The following SLITRK3 variants were observed in gnomAD, a reference collection of about 807,000 sequenced individuals.
The protein encoded by SLITRK3 is SLIT and NTRK like family member 3.
SLITRK3 carries 16 observed loss-of-function variants against 63.6 expected under a neutral mutation model. That is an observed-to-expected ratio of 0.25 (90% confidence interval 0.17 to 0.38). SLITRK3 has a LOEUF of 0.38. SLITRK3 is among the 10% of genes least tolerant of loss of function. The pLI, the probability that SLITRK3 is intolerant of heterozygous loss-of-function variation, is 1.00. For missense variants in SLITRK3, 1,117 were observed against 1,181.4 expected, an observed-to-expected ratio of 0.95 and a Z score of 0.80; for synonymous variants, 547 against 451.6, an observed-to-expected ratio of 1.21 and a Z score of -2.68.
rs114334493 is a variant in SLITRK3, at chr3:165,191,191, A to G, written c.-21-340T>C. 2.5e-3 allele frequency among the ~76,000 whole-genome samples: 380 copies of G among 152,360 alleles called. 3 individuals are homozygous for G. Among genetic ancestry groups the G allele is most frequent in the African/African-American group, 8.7e-3 (363 of 41,586 alleles). On this transcript the variant is annotated intron_variant, in intron 1 of 1. Transcript: ENST00000475390. ...CTTTTAGGCATAGGCAGATTCAGTA[A>G]TAATGGCAATAATGTGGCCATCACA...
chr3:165,190,548 T>C lies in SLITRK3; in HGVS notation c.283A>G (p.Asn95Asp). Residue 95 changes from asparagine (N) to aspartate (D), a missense_variant, in exon 2 of 2, where the codon AAC (asparagine) becomes GAC (aspartate). Coordinates refer to ENST00000475390, the MANE Select transcript of SLITRK3 (RefSeq NM_001318810.2). Reference sequence around the variant, plus strand: ...GCATTATTCAAATGAAGAAAACTGTTGGTATATAATTTCCTCATAGAATTC... The same window carrying C: ...GCATTATTCAAATGAAGAAAACTGTCGGTATATAATTTCCTCATAGAATTC... ...QRNSMRKLYTNSFLHLNNAVS... is the reference protein window; with the variant it reads ...QRNSMRKLYTDSFLHLNNAVS... 6.2e-7 allele frequency: 1 copy of C among 1,613,916 alleles called. No individual in the cohort carries two copies. The highest frequency in any genetic ancestry group is 8.5e-7 in the Non-Finnish European group (1 of 1,179,976).
At position 165,188,752 on chromosome 3, in the gene SLITRK3, C is replaced by T. The variant is rs1482697418; in HGVS notation, c.2079G>A (p.Gln693=). The change falls in exon 2 of 2, where the codon CAG becomes CAA. Residue 693 remains glutamine (Q), a synonymous_variant. Transcript: ENST00000475390. The part of the protein sequence containing the change: ...RKKLPFRSKR[Q]EGVDLTGIQM... ...GGATGCCAGTAAGGTCCACACCTTC[C>T]TGCCGCTTGCTTCTGAAGGGCAGCT... 6.2e-7 allele frequency: 1 copy of T among 1,614,174 alleles called. No homozygotes were observed. Among genetic ancestry groups the T allele is most frequent in the South Asian group, 1.1e-5 (1 of 91,080 alleles).
chr3:165,196,897 G>GTCTGTCTC (rs1718450127), upstream of SLITRK3: 1 of 96,474 alleles, frequency 1.0e-5, no homozygotes, highest in South Asian at 4.5e-4. Context: ...CTCTCTCTCT[G>GTCTGTCTC]TCTCTCTCTC....
intron 1 of SLITRK3, among the ~76,000 whole-genome samples, chr3:165,194,904 G>T (rs542453767): frequency 3.3e-5 from 5 of 152,244 alleles, no homozygotes; most frequent in South Asian, 2.1e-4. Flanking sequence ...GGCTCCAAAA[G>T]TTAGGGAATA....
At chr3:165,195,024 C>T (rs1718369587) in intron 1 of SLITRK3, among the ~76,000 whole-genome samples, 1 of 152,104 alleles carries the variant, frequency 6.6e-6, no homozygotes, top group South Asian at 2.1e-4. Flanking sequence ...GCCCCCTTCC[C>T]ACTTCCTCCT....
In SLITRK3 at chr3:165,189,568, C is replaced by T; in HGVS notation, c.1263G>A (p.Gln421=). The T allele has an allele frequency of 6.2e-7, 1 of 1,614,162 alleles. No homozygotes were observed. The highest frequency in any genetic ancestry group is 1.1e-5 in the South Asian group (1 of 91,080). ...TCCAAAAATCAGAACGGTATATTTT[C>T]TGAATCAGATTGCTACTCAGATACA... ...KKLYLSSNLI[Q]KIYRSDFWNF... Residue 421 remains glutamine (Q), a synonymous_variant, in exon 2 of 2, where the codon CAG becomes CAA. Transcript: ENST00000475390. This position sits in a 1 kb window ranked among gnomAD's most constrained non-coding sequence, Gnocchi z 4.0.
In SLITRK3 at chr3:165,187,698, C is replaced by T. The variant is rs1718004044; in HGVS notation, c.*199G>A. 1 of 493,772 alleles carries T rather than the reference C, an allele frequency of 2.0e-6. No individual in the cohort carries two copies. Among genetic ancestry groups the T allele is most frequent in the East Asian group, 3.0e-5 (1 of 33,534 alleles). The allele number at this position is 493,772 out of a possible 1,614,324, so 30.6% of individuals were successfully genotyped here. ...ATTGATTAATGATCTGAGTATGGCC[C>T]TTCCTCCAAATCGCATCTGAGAGGG... is the stretch of plus-strand genomic sequence containing the variant. On this transcript the variant is annotated 3_prime_UTR_variant, in exon 2 of 2. Coordinates refer to ENST00000475390, the MANE Select transcript of SLITRK3 (RefSeq NM_001318810.2).
chr3:165,195,233 G>C (rs1249533574), intron 1 of SLITRK3, among the ~76,000 whole-genome samples: 1 of 152,162 alleles, frequency 6.6e-6, no homozygotes, highest in Non-Finnish European at 1.5e-5. Flanking sequence ...GTTTAGAAAC[G>C]GAAAATTATT....
chr3:165,193,219 T>A (rs1375869915), intron 1 of SLITRK3, among the ~76,000 whole-genome samples: 2 of 111,000 alleles, frequency 1.8e-5, no homozygotes, highest in East Asian at 2.6e-4. Flanking sequence ...GACCAACCTA[T>A]GGGAAACATT....
chr3:165,190,767 T>A lies in SLITRK3; in HGVS notation c.64A>T (p.Thr22Ser). ...GGGGTAGTCCATCCTAGAGCAATTG[T>A]GCTTAGAAGAATTATCCACAACATC... ...GRMLWIILLSTIALGWTTPIP... is the reference protein window; with the variant it reads ...GRMLWIILLSSIALGWTTPIP... Residue 22 changes from threonine to serine, a missense_variant, in exon 2 of 2, where the codon ACA becomes TCA. Coordinates refer to ENST00000475390, the MANE Select transcript of SLITRK3 (RefSeq NM_001318810.2). The A allele has an allele frequency of 6.2e-7, 1 of 1,612,938 alleles. No individual in the cohort carries two copies. The highest frequency in any genetic ancestry group is 8.5e-7 in the Non-Finnish European group (1 of 1,179,542).
At position 165,196,021 on chromosome 3, in the gene SLITRK3, C is replaced by T. The variant is rs968717101; in HGVS notation, c.-463G>A. On this transcript the variant is annotated 5_prime_UTR_variant, in exon 1 of 2. Coordinates refer to ENST00000475390, the MANE Select transcript of SLITRK3 (RefSeq NM_001318810.2). ...TGGATTTCTCTCTTTCTCTCTTCCT[C>T]AAAGGTTGTCACTCACAGCGCAATC... The T allele has an allele frequency of 6.5e-6, 1 of 152,722 alleles. No individual in the cohort carries two copies. Among genetic ancestry groups the T allele is most frequent in the African/African-American group, 2.4e-5 (1 of 41,456 alleles). The allele number at this position is 152,722 out of a possible 1,614,324, so 9.5% of individuals were successfully genotyped here.
At position 165,188,995 on chromosome 3, in the gene SLITRK3, T is replaced by C; in HGVS notation, c.1836A>G (p.Pro612=). 1 of 1,614,182 alleles carries C rather than the reference T, an allele frequency of 6.2e-7. No individual in the cohort carries two copies. The highest frequency in any genetic ancestry group is 8.5e-7 in the Non-Finnish European group (1 of 1,180,030). ...VRTIELEVLC[P]EMLHVAPAGE... The stretch of plus-strand genomic sequence containing the variant: ...CAGCTGGTGCAACGTGCAGCATCTC[T>C]GGGCAAAGAACTTCCAGCTCAATAG... Residue 612 remains proline, a synonymous_variant, in exon 2 of 2, where the codon CCA becomes CCG. Coordinates refer to ENST00000475390, the MANE Select transcript of SLITRK3 (RefSeq NM_001318810.2).
At chr3:165,196,509 G>T (rs1028755338), upstream of SLITRK3, 1 of 155,132 alleles carries the variant, frequency 6.4e-6, no homozygotes, top group South Asian at 1.8e-4. Flanking sequence ...CGGCGGCGGC[G>T]GCATCTTTTA....
intron 1 of SLITRK3, among the ~76,000 whole-genome samples, chr3:165,193,810 T>C (rs1443761055): frequency 1.3e-5 from 2 of 152,056 alleles, no homozygotes; most frequent in Non-Finnish European, 2.9e-5. Flanking sequence ...CTTTTGTCCG[T>C]TCTTTCTCTT....
rs200230304 is a variant in SLITRK3, at chr3:165,188,406, G to C, written c.2425C>G (p.Arg809Gly). 2 of 1,613,890 alleles carry C rather than the reference G, an allele frequency of 1.2e-6. No homozygotes were observed. The highest frequency in any genetic ancestry group is 8.5e-7 in the Non-Finnish European group (1 of 1,179,982). ...ETPKENHSNY[R>G]TLLEKEKEWA... Reference sequence around the variant, plus strand: ...TCCTTCTCTTTTTCCAGCAAGGTCCGGTAGTTACTATGGTTCTCCTTGGGT... The same window carrying C: ...TCCTTCTCTTTTTCCAGCAAGGTCCCGTAGTTACTATGGTTCTCCTTGGGT... The change falls in exon 2 of 2, where the codon CGG (arginine) becomes GGG (glycine). Residue 809 changes from arginine to glycine, a missense_variant. By Grantham distance (125) the Arg-to-Gly change is moderately radical. Around this residue, in one of 4 missense-constraint regions of SLITRK3, gnomAD observed 499 missense variants for 463.6 expected, o/e 1.08. Transcript: ENST00000475390.
At chr3:165,191,961 G>A (rs932083389) in intron 1 of SLITRK3, among the ~76,000 whole-genome samples, 5 of 152,132 alleles carry the variant, frequency 3.3e-5, no homozygotes, top group South Asian at 2.1e-4. Flanking sequence ...TCTATGCATC[G>A]TTTTCCTTGC....
At chr3:165,194,999 C>T (rs1267649575) in intron 1 of SLITRK3, among the ~76,000 whole-genome samples, 1 of 152,142 alleles carries the variant, frequency 6.6e-6, no homozygotes, top group African/African-American at 2.4e-5. Context: ...ACAAGAAGCC[C>T]TTTCTCCCTG....
At chr3:165,196,639 A>G (rs1025400279), upstream of SLITRK3, 2 of 152,362 alleles carry the variant, frequency 1.3e-5, no homozygotes, top group Non-Finnish European at 2.9e-5. Context: ...TAAGGAGTCA[A>G]TATAGGAAAC....
chr3:165,188,380 C>T lies in SLITRK3; in HGVS notation c.2451G>A (p.Glu817=). 6.2e-7 allele frequency: 1 copy of T among 1,613,974 alleles called. No individual in the cohort carries two copies. The highest frequency in any genetic ancestry group is 1.1e-5 in the South Asian group (1 of 91,052). The part of the protein sequence containing the change: ...NYRTLLEKEK[E]WALAVSSSQL... ...GGGAGCTGGACACTGCTAGGGCCCA[C>T]TCCTTCTCTTTTTCCAGCAAGGTCC... Residue 817 remains glutamate (E), a synonymous_variant, in exon 2 of 2, where the codon GAG becomes GAA. Transcript: ENST00000475390.
Sources: gnomAD v4.1 joint callset for allele counts (sites outside exome capture counted in the v4.1 genomes callset) on GRCh38, gnomAD v4.1.1 for gene constraint, gnomAD v4.1.1 regional missense constraint, Gnocchi (gnomAD v3.1) non-coding constraint, MANE v1.5 for transcripts, NCBI Gene and HGNC (gene_info 2026-07-23, HGNC 2026-07-21) for gene names.